The following MNAT1 variants were observed in gnomAD, a reference collection of about 807,000 sequenced individuals.
MNAT1 encodes CDK-activating kinase assembly factor MAT1.
In MNAT1, 43 loss-of-function variants were observed where a neutral mutation model predicts 42.0. The observed-to-expected ratio is 1.02, with a 90% CI of 0.80 to 1.32. The LOEUF is 1.32. Ranked by LOEUF, MNAT1 falls within the 40% of genes most tolerant of loss-of-function variation. MNAT1 has a pLI of 0.00. For missense variants in MNAT1, 306 were observed against 350.4 expected (o/e 0.87, Z 1.01); for synonymous variants, 118 against 120.0 (o/e 0.98, Z 0.11).
At chr14:60,792,771 T>C (rs2031868956) in intron 1 of MNAT1, among the ~76,000 whole-genome samples, 1 of 152,190 alleles carries the variant, frequency 6.6e-6, no homozygotes. Flanking sequence ...AAATATGTCA[T>C]TCAGAGAGAA....
intron 7 of MNAT1, among the ~76,000 whole-genome samples, chr14:60,962,306 T>A (rs10873129): frequency 0.98 from 149,822 of 152,260 alleles, 73,761 homozygotes; most frequent in East Asian, 1. Flanking sequence ...ATCAAATATC[T>A]TTTGGCCTAT....
intron 7 of MNAT1, among the ~76,000 whole-genome samples, chr14:60,918,358 G>C (rs188210446): frequency 6.6e-6 from 1 of 151,044 alleles, no homozygotes; most frequent in Non-Finnish European, 1.5e-5. Flanking sequence ...ACAGGCGCCC[G>C]CAACCATACC....
chr14:60,940,995 G>A (rs1286631890), intron 7 of MNAT1, among the ~76,000 whole-genome samples: 1 of 152,134 alleles, frequency 6.6e-6, no homozygotes. Context: ...CCCACCTAGT[G>A]TTAATATTTG....
At chr14:60,822,932 A>G (rs969059203) in intron 6 of MNAT1, among the ~76,000 whole-genome samples, 3 of 151,516 alleles carry the variant, frequency 2.0e-5, no homozygotes, top group Admixed American at 6.6e-5. Context: ...ATTTTTTGTA[A>G]TTTTGGTAGC....
chr14:60,835,534 A>G (rs978993521), intron 6 of MNAT1, among the ~76,000 whole-genome samples: 1 of 152,194 alleles, frequency 6.6e-6, no homozygotes, highest in Admixed American at 6.5e-5. Flanking sequence ...TTCTGGGTTG[A>G]AATTTCTTTT....
At chr14:60,942,542 A>G (rs867510584) in intron 7 of MNAT1, among the ~76,000 whole-genome samples, 1 of 149,648 alleles carries the variant, frequency 6.7e-6, no homozygotes, top group Middle Eastern at 3.4e-3. Flanking sequence ...TTTTTCCACT[A>G]TCAGTGCCTA....
At chr14:60,905,683 A>G (rs1348933562) in intron 7 of MNAT1, among the ~76,000 whole-genome samples, 2 of 152,222 alleles carry the variant, frequency 1.3e-5, no homozygotes, top group East Asian at 3.8e-4. Context: ...ATGAAGGCCC[A>G]AGAACCTTGA....
chr14:60,892,270 G>T (rs2034862553), intron 7 of MNAT1, among the ~76,000 whole-genome samples: 1 of 151,950 alleles, frequency 6.6e-6, no homozygotes, highest in Non-Finnish European at 1.5e-5. Flanking sequence ...AACTATTATT[G>T]TAAAACTCTC....
At chr14:60,843,472 G>A (rs374882248) in intron 6 of MNAT1, among the ~76,000 whole-genome samples, 15 of 151,840 alleles carry the variant, frequency 9.9e-5, no homozygotes, top group Admixed American at 5.2e-4. Flanking sequence ...GGGTTTCACC[G>A]TGTTGGCCAG....
In MNAT1 at chr14:60,793,888, A is replaced by T. The variant is rs1379060527; in HGVS notation, c.90-2329A>T. Among the ~76,000 whole-genome samples, 11 of 152,160 alleles carry T rather than the reference A, an allele frequency of 7.2e-5. No individual in the cohort carries two copies. In the South Asian group the frequency reaches 2.3e-3, roughly 31 times the overall value. ...ATTCTTTTCACAGTTAAAATTAGAA[A>T]TGGAAAATGTTACGTAGGAAAATAA... On this transcript the variant is annotated intron_variant, in intron 1 of 7. Coordinates refer to ENST00000261245, the MANE Select transcript of MNAT1 (RefSeq NM_002431.4).
chr14:60,956,758 T>C (rs2036495086), intron 7 of MNAT1, among the ~76,000 whole-genome samples: 1 of 152,212 alleles, frequency 6.6e-6, no homozygotes, highest in Non-Finnish European at 1.5e-5. Flanking sequence ...AGTGACCTTC[T>C]TTGTTTCATG....
At position 60,968,504 on chromosome 14, in the gene MNAT1, G is replaced by A; in HGVS notation, c.*155G>A. On this transcript the variant is annotated 3_prime_UTR_variant, in exon 8 of 8. Coordinates refer to ENST00000261245, the MANE Select transcript of MNAT1 (RefSeq NM_002431.4). ...AAGGAGAAAATTTCAGAACTAAGTTGAGTAATATAGGGGATATATATTTGT... is the reference window on the plus strand; with the variant it reads ...AAGGAGAAAATTTCAGAACTAAGTTAAGTAATATAGGGGATATATATTTGT... 1 of 1,486,414 alleles carries A rather than the reference G, an allele frequency of 6.7e-7. No homozygotes were observed. Among genetic ancestry groups the A allele is most frequent in the Non-Finnish European group, 8.9e-7 (1 of 1,117,458 alleles). 92.1% of individuals were successfully genotyped at this position (1,486,414 alleles called of 1,614,324 possible). A position where few individuals can be genotyped will look rare whatever the true frequency, so the allele number is the denominator to read the frequency against.
intron 1 of MNAT1, among the ~76,000 whole-genome samples, chr14:60,778,670 C>A (rs1266956361): frequency 1.3e-5 from 2 of 152,168 alleles, no homozygotes; most frequent in African/African-American, 4.8e-5. Flanking sequence ...GGCCAAAGTT[C>A]ATGAATCCAC....
chr14:60,782,783 A>G (rs1262913229), intron 1 of MNAT1, among the ~76,000 whole-genome samples: 3 of 152,232 alleles, frequency 2.0e-5, no homozygotes, highest in African/African-American at 7.2e-5. Context: ...AAGGAAAAGC[A>G]GGCAAACTGG....
intron 1 of MNAT1, among the ~76,000 whole-genome samples, chr14:60,747,963 G>A (rs944274318): frequency 6.6e-6 from 1 of 152,100 alleles, no homozygotes; most frequent in Admixed American, 6.5e-5. Flanking sequence ...ATGGGAGGCC[G>A]AGGTCGGCGG....
At chr14:60,903,129 T>TTG (rs1223728273) in intron 7 of MNAT1, among the ~76,000 whole-genome samples, 2 of 24,108 alleles carry the variant, frequency 8.3e-5, no homozygotes, top group African/African-American at 1.2e-4. Flanking sequence ...TATTCGCTGT[T>TTG]TAAGTGTTTT....
intron 7 of MNAT1, among the ~76,000 whole-genome samples, chr14:60,897,510 A>G (rs1157075895): frequency 6.6e-6 from 1 of 152,106 alleles, no homozygotes; most frequent in African/African-American, 2.4e-5. Context: ...TTTTTATGAT[A>G]AAATATCTTT....
At chr14:60,938,423 G>A (rs1425917641) in intron 7 of MNAT1, among the ~76,000 whole-genome samples, 1 of 152,128 alleles carries the variant, frequency 6.6e-6, no homozygotes, top group Admixed American at 6.5e-5. Flanking sequence ...TTTATTGAGA[G>A]TTTTTAGCAT....
chr14:60,872,209 C>T (rs1256720301), intron 6 of MNAT1, among the ~76,000 whole-genome samples: 1 of 152,000 alleles, frequency 6.6e-6, no homozygotes, highest in African/African-American at 2.4e-5. Context: ...GAAGGAAGTA[C>T]CTCTTAAAAA....
Sources: allele counts gnomAD v4.1 joint callset (sites outside exome capture counted in the v4.1 genomes callset), GRCh38; gene constraint gnomAD v4.1.1; transcripts MANE v1.5; gene names NCBI Gene and HGNC (gene_info 2026-07-23, HGNC 2026-07-21).